DAPK1: variants seen among roughly 807,000 people sequenced by gnomAD.
DAPK1 encodes the protein death-associated protein kinase 1.
A neutral mutation model predicts 144.9 loss-of-function variants in DAPK1; 56 were observed. The observed-to-expected ratio is 0.39, with a 90% CI of 0.31 to 0.48. The LOEUF is 0.48. DAPK1 is among the 20% of genes least tolerant of loss of function. The pLI is 0.95. For synonymous variants in DAPK1, 690 were observed against 749.0 expected, an observed-to-expected ratio of 0.92 and a Z score of 1.29; for missense variants, 1,454 against 1,875.4, an observed-to-expected ratio of 0.78 and a Z score of 4.15.
chr9:87,686,788 G>A lies in DAPK1; in HGVS notation c.2413+49G>A. On this transcript the variant is annotated intron_variant, in intron 21 of 25. Transcript: ENST00000408954. This position sits in a 1 kb window ranked among gnomAD's most constrained non-coding sequence, Gnocchi z 4.2. ...AAGGACCTCAGGTTTCCCTTCAACA[G>A]GGTTGTAAGTCATCCCTAAAGGGAG... 6 of 1,475,898 alleles carry A rather than the reference G, an allele frequency of 4.1e-6. No individual in the cohort carries two copies. The highest frequency in any genetic ancestry group is 2.4e-5 in the South Asian group (2 of 84,584). The allele number at this position is 1,475,898 out of a possible 1,614,324, so 91.4% of individuals were successfully genotyped here.
chr9:87,622,718 C>T (rs1044602207), intron 3 of DAPK1, among the ~76,000 whole-genome samples: 4 of 152,014 alleles, frequency 2.6e-5, no homozygotes, highest in African/African-American at 9.7e-5. Flanking sequence ...CAAGACCAGC[C>T]TGGGCAACAC....
intron 2 of DAPK1, among the ~76,000 whole-genome samples, chr9:87,556,093 T>G (rs1332193067): frequency 6.6e-6 from 1 of 152,174 alleles, no homozygotes; most frequent in Non-Finnish European, 1.5e-5. Context: ...TGTTTTTTTG[T>G]ATTCTAATCT....
At chr9:87,696,061 C>T (rs948783368) in intron 21 of DAPK1, among the ~76,000 whole-genome samples, 2 of 152,092 alleles carry the variant, frequency 1.3e-5, no homozygotes, top group Non-Finnish European at 2.9e-5. Context: ...GTTCACACTT[C>T]TGCGTAATAT....
chr9:87,550,630 A>C (rs1167014969), intron 2 of DAPK1, among the ~76,000 whole-genome samples: 1 of 152,234 alleles, frequency 6.6e-6, no homozygotes, highest in Admixed American at 6.5e-5. Context: ...AACTAATGAC[A>C]TCTACAATGA....
Position 87,681,623 on chromosome 9 carries a change from A to G in DAPK1, c.2221A>G (p.Thr741Ala). The change falls in exon 20 of 26, where the codon ACA becomes GCA. Residue 741 changes from threonine (T) to alanine (A), a missense_variant. Physicochemically the swap from Thr to Ala is moderately conservative, Grantham distance 58. Transcript: ENST00000408954. ...ACCTTCACCCCTGGCTTCTAAGCCC[A>G]CAGGTAGGAACCTCCATGCTGGCCC... is the stretch of plus-strand genomic sequence containing the variant. ...FPPSPLASKP[T>A]VSVSINNLYP... The G allele has an allele frequency of 6.6e-7, 1 of 1,506,676 alleles. No individual in the cohort carries two copies. Among genetic ancestry groups the G allele is most frequent in the Non-Finnish European group, 9.2e-7 (1 of 1,081,950 alleles). 93.3% of individuals were successfully genotyped at this position (1,506,676 alleles called of 1,614,324 possible). A position where few individuals can be genotyped will look rare whatever the true frequency, so the allele number is the denominator to read the frequency against.
chr9:87,575,566 C>A (rs1366860899), intron 2 of DAPK1, among the ~76,000 whole-genome samples: 1 of 152,118 alleles, frequency 6.6e-6, no homozygotes, highest in Non-Finnish European at 1.5e-5. Flanking sequence ...TGTCACTGTA[C>A]CTCCATGGAG....
intron 19 of DAPK1, among the ~76,000 whole-genome samples, chr9:87,671,760 T>TAGA (rs1368820897): frequency 6.6e-6 from 1 of 152,224 alleles, no homozygotes; most frequent in Non-Finnish European, 1.5e-5. Context: ...GTGATCTTCC[T>TAGA]ACTCTGGCCT....
chr9:87,663,975 C>G (rs1830961450), intron 18 of DAPK1, among the ~76,000 whole-genome samples: 1 of 152,116 alleles, frequency 6.6e-6, no homozygotes, highest in African/African-American at 2.4e-5. Context: ...TCTCCAGCCC[C>G]CACCTGGTTA....
chr9:87,621,988 A>T (rs1204975558), intron 3 of DAPK1, among the ~76,000 whole-genome samples: 1 of 151,436 alleles, frequency 6.6e-6, no homozygotes, highest in East Asian at 1.9e-4. Context: ...CTTTGGGCCC[A>T]TGGAATGACT....
At chr9:87,637,283 G>A (rs6560007) in intron 3 of DAPK1, among the ~76,000 whole-genome samples, 55,499 of 151,576 alleles carry the variant, frequency 0.37, 11,274 homozygotes, top group South Asian at 0.53. Flanking sequence ...TAGTAGAGAC[G>A]GTGTTTCTCC....
intron 19 of DAPK1, among the ~76,000 whole-genome samples, chr9:87,673,152 T>C (rs1391158709): frequency 1.3e-5 from 2 of 152,130 alleles, no homozygotes; most frequent in African/African-American, 4.8e-5. Flanking sequence ...TAGCATTCCC[T>C]ACAGCCATAT....
chr9:87,706,079 G>C lies in DAPK1; in HGVS notation c.3061-53G>C. The C allele has an allele frequency of 1.4e-6, 2 of 1,404,340 alleles. No individual in the cohort carries two copies. The highest frequency in any genetic ancestry group is 2.6e-5 in the South Asian group (2 of 77,126). The allele number at this position is 1,404,340 out of a possible 1,614,324, so 87.0% of individuals were successfully genotyped here. A position where few individuals can be genotyped will look rare whatever the true frequency, so the allele number is the denominator to read the frequency against. On this transcript the variant is annotated intron_variant, in intron 25 of 25. Coordinates refer to ENST00000408954, the MANE Select transcript of DAPK1 (RefSeq NM_004938.4). The surrounding 1 kb of genome is among the most constrained non-coding windows in gnomAD (Gnocchi z 9.0). ...CCCTTTAGTGCTCTAAGTGGCTGGTGCACCTGGCCAGGGCTCTGTCCCTAA... is the reference window on the plus strand; with the variant it reads ...CCCTTTAGTGCTCTAAGTGGCTGGTCCACCTGGCCAGGGCTCTGTCCCTAA...
At chr9:87,668,866 T>A in intron 19 of DAPK1, 192 bp downstream of exon 19, 1 of 569,714 alleles carries the variant, frequency 1.8e-6, no homozygotes. Context: ...TTCTTCTCTA[T>A]TTGGACTTGG....
At chr9:87,542,678 TGAA>T (rs1826098261) in intron 2 of DAPK1, among the ~76,000 whole-genome samples, 1 of 152,152 alleles carries the variant, frequency 6.6e-6, no homozygotes, top group Non-Finnish European at 1.5e-5. Flanking sequence ...ATTTTAAGGA[TGAA>T]GAAGCTGTGG....
chr9:87,637,099 T>C (rs940641907), intron 3 of DAPK1, among the ~76,000 whole-genome samples: 19 of 151,860 alleles, frequency 1.3e-4, no homozygotes, highest in Non-Finnish European at 2.6e-4. Flanking sequence ...AATGTATTCT[T>C]TTTTTTTGTT....
chr9:87,607,546 C>A (rs1828773327), intron 3 of DAPK1, among the ~76,000 whole-genome samples: 2 of 152,180 alleles, frequency 1.3e-5, no homozygotes, highest in African/African-American at 4.8e-5. Context: ...CCATTAGGTG[C>A]ATTTACTCTG....
At chr9:87,507,954 A>G (rs921579633) in intron 2 of DAPK1, among the ~76,000 whole-genome samples, 2 of 152,198 alleles carry the variant, frequency 1.3e-5, no homozygotes, top group African/African-American at 4.8e-5. Flanking sequence ...AAAATGAACT[A>G]CTTTTCATTG....
At chr9:87,573,273 C>T (rs1339670936) in intron 2 of DAPK1, among the ~76,000 whole-genome samples, 1 of 152,224 alleles carries the variant, frequency 6.6e-6, no homozygotes, top group Non-Finnish European at 1.5e-5. Flanking sequence ...GGGGAATGAG[C>T]TTCCTTTCCT....
At chr9:87,662,560 G>GT (rs71507734) in intron 18 of DAPK1, among the ~76,000 whole-genome samples, 587 of 32,078 alleles carry the variant, frequency 0.018, 32 homozygotes, top group African/African-American at 0.04. Flanking sequence ...TATATTCCTA[G>GT]TTTTTTTTTT....
Sources: allele counts gnomAD v4.1 joint callset (sites outside exome capture counted in the v4.1 genomes callset), GRCh38; gene constraint gnomAD v4.1.1; non-coding constraint Gnocchi (gnomAD v3.1); transcripts MANE v1.5; gene names NCBI Gene and HGNC (gene_info 2026-07-23, HGNC 2026-07-21).